Variants in TJP1 observed in about 807,000 individuals in gnomAD.
TJP1 encodes the protein tight junction protein ZO-1.
A neutral mutation model predicts 194.2 loss-of-function variants in TJP1; 43 were observed. The observed-to-expected ratio is 0.22, with a 90% CI of 0.17 to 0.29. TJP1 has a LOEUF of 0.29. TJP1 is among the 10% of genes least tolerant of loss of function. The probability of loss-of-function intolerance (pLI) is 1.00; values close to 1 mark genes in which losing one functional copy is unlikely to be tolerated. For missense variants in TJP1, 1,971 were observed against 2,185.7 expected (o/e 0.90, Z 1.96); for synonymous variants, 801 against 779.0 (o/e 1.03, Z -0.47).
At chr15:29,846,155 A>G (rs1180775565) in intron 2 of TJP1, among the ~76,000 whole-genome samples, 1 of 152,138 alleles carries the variant, frequency 6.6e-6, no homozygotes, top group Non-Finnish European at 1.5e-5. Context: ...GATCTTTAAG[A>G]GACCCATCAC....
intron 2 of TJP1, among the ~76,000 whole-genome samples, chr15:29,931,805 G>A (rs1023201430): frequency 6.6e-6 from 1 of 152,222 alleles, no homozygotes; most frequent in African/African-American, 2.4e-5. Context: ...TAAAAGAACG[G>A]CTACTCTATA....
In TJP1 at chr15:29,705,662, C is replaced by G. The variant is rs776556981; in HGVS notation, c.4934G>C (p.Gly1645Ala). 5 of 1,614,146 alleles carry G rather than the reference C, an allele frequency of 3.1e-6. No homozygotes were observed. In the Admixed American group the frequency reaches 8.3e-5, roughly 27 times the overall value. Residue 1645 changes from glycine (G) to alanine (A), a missense_variant, in exon 26 of 28, where the codon GGC becomes GCC. By Grantham distance (60) the Gly-to-Ala change is moderately conservative (BLOSUM62 0). Transcript: ENST00000614355. ...ACCAGTTTCTATGGAACTCAGCACG[C>G]CCCCATTGCTGTTAAATATGCCTCG... ...TARGIFNSNGGVLSSIETGVS... is the reference protein window; with the variant it reads ...TARGIFNSNGAVLSSIETGVS...
rs969122046 is a variant in TJP1 at position 29,700,452 on chromosome 15, T to G, written c.*1143A>C. The stretch of plus-strand genomic sequence containing the variant: ...GTAACAACTCTGTGCATCCTTTTTC[T>G]TAAAAAAAATGACCTTGCATGTGTC... On this transcript the variant is annotated 3_prime_UTR_variant, in exon 28 of 28. Transcript: ENST00000614355. 13 of 398,714 alleles carry G rather than the reference T, an allele frequency of 3.3e-5. No homozygotes were observed. The highest frequency in any genetic ancestry group is 2.7e-4 in the African/African-American group (13 of 48,590). 24.7% of individuals were successfully genotyped at this position (398,714 alleles called of 1,614,324 possible). A position where few individuals can be genotyped will look rare whatever the true frequency, so the allele number is the denominator to read the frequency against.
rs145032345 is a variant in TJP1 at position 29,828,972 on chromosome 15, C to T, written c.307-28270G>A. 4.0e-3 allele frequency among the ~76,000 whole-genome samples: 605 copies of T among 152,136 alleles called. 15 individuals are homozygous for T. The East Asian group carries it at 0.075, about 19-fold the overall frequency. On this transcript the variant is annotated intron_variant, in intron 2 of 28. Transcript: ENST00000356107. ...TTCACCATGTTGGCCAGGCTGGTCT[C>T]GAACTCCTGACCTTAAGTGATCCAC...
At chr15:29,944,472 C>A (rs1239671641) in intron 2 of TJP1, among the ~76,000 whole-genome samples, 2 of 152,072 alleles carry the variant, frequency 1.3e-5, no homozygotes, top group East Asian at 3.8e-4. Context: ...GGGACGGGGG[C>A]ACCAAGGAAT....
intron 2 of TJP1, among the ~76,000 whole-genome samples, chr15:29,937,151 C>T (rs930478740): frequency 2.6e-5 from 4 of 152,174 alleles, no homozygotes; most frequent in African/African-American, 9.7e-5. Context: ...TTCATAACCA[C>T]ATATTATACA....
At chr15:29,949,919 ACCTTCACCACC>A (rs2055595466) in intron 2 of TJP1, among the ~76,000 whole-genome samples, 2 of 53,460 alleles carry the variant, frequency 3.7e-5, no homozygotes, top group Non-Finnish European at 6.1e-5. Context: ...CTCCACCTCC[ACCTTCACCACC>A]ACCACCACCT....
intron 2 of TJP1, among the ~76,000 whole-genome samples, chr15:29,909,156 C>CAA (rs1228556468): frequency 0.018 from 1,524 of 83,984 alleles, 13 homozygotes; most frequent in Non-Finnish European, 0.025. Context: ...GACTCCATCT[C>CAA]AAAAAAAAAA....
intron 3 of TJP1, among the ~76,000 whole-genome samples, chr15:29,772,841 T>C (rs1002227890): frequency 1.3e-5 from 2 of 152,196 alleles, no homozygotes; most frequent in Admixed American, 6.5e-5. Context: ...CATGGCTCAT[T>C]GCAGCCTCAG....
At chr15:29,773,489 T>C in intron 2 of TJP1, 132 bp from the exon 3 acceptor site, 1 of 791,114 alleles carries the variant, frequency 1.3e-6, no homozygotes, top group Non-Finnish European at 2.0e-6. Flanking sequence ...AACACTCACC[T>C]GCATGGTTAC....
In TJP1 at chr15:29,719,922, T is replaced by C; in HGVS notation, c.2858A>G (p.Asn953Ser). The C allele has an allele frequency of 1.2e-6, 2 of 1,614,166 alleles. No homozygotes were observed. The highest frequency in any genetic ancestry group is 1.7e-6 in the Non-Finnish European group (2 of 1,180,028). ...TGGGGTGGGCTCCTCCAGTCTGACATTAGTTAAATTTACATTATGATTAAC... is the reference window on the plus strand; with the variant it reads ...TGGGGTGGGCTCCTCCAGTCTGACACTAGTTAAATTTACATTATGATTAAC... ...SAVNHNVNLT[N>S]VRLEEPTPAP... is the part of the protein sequence containing the mutation. Residue 953 changes from asparagine (N) to serine (S), a missense_variant, in exon 20 of 28, where the codon AAT (asparagine) becomes AGT (serine). By Grantham distance (46) the Asn-to-Ser change is conservative. Around this residue, in one of 5 missense-constraint regions of TJP1, gnomAD observed 1,108 missense variants for 1,128.5 expected, o/e 0.98. Transcript: ENST00000614355.
At chr15:29,818,673 T>C (rs1292817257) in intron 1 of TJP1, among the ~76,000 whole-genome samples, 8 of 23,974 alleles carry the variant, frequency 3.3e-4, no homozygotes, top group Non-Finnish European at 1.4e-3. Context: ...CCCGGCTATT[T>C]TTTTTTTTTT....
chr15:29,872,988 T>C (rs1028379714), intron 2 of TJP1, among the ~76,000 whole-genome samples: 1 of 152,224 alleles, frequency 6.6e-6, no homozygotes, highest in Non-Finnish European at 1.5e-5. Context: ...CAAACACACA[T>C]GTGCACGCAC....
upstream of TJP1, among the ~76,000 whole-genome samples, chr15:29,825,291 T>C (rs1417799859): frequency 6.6e-6 from 1 of 152,214 alleles, no homozygotes; most frequent in East Asian, 1.9e-4. Context: ...TCATAGCTCC[T>C]CTAGATCAAT....
intron 2 of TJP1, among the ~76,000 whole-genome samples, chr15:29,949,451 ACCACCACTT>A (rs2055476270): frequency 1.6e-5 from 2 of 126,422 alleles, no homozygotes; most frequent in African/African-American, 3.1e-5. Context: ...CTCCACCTTC[ACCACCACTT>A]CCACCACCAC....
At chr15:29,838,992 CTTTTTTTTT>C (rs760557407) in intron 2 of TJP1, among the ~76,000 whole-genome samples, 4 of 83,444 alleles carry the variant, frequency 4.8e-5, no homozygotes, top group East Asian at 3.9e-4. Flanking sequence ...AAAAATTCAC[CTTTTTTTTT>C]TTTTTTTTTT....
intron 2 of TJP1, among the ~76,000 whole-genome samples, chr15:29,774,379 A>C (rs2046881707): frequency 6.6e-6 from 1 of 152,234 alleles, no homozygotes; most frequent in African/African-American, 2.4e-5. Flanking sequence ...CAACTGATGA[A>C]TGGATAAAAC....
At chr15:29,905,548 A>T (rs1596227142) in intron 2 of TJP1, among the ~76,000 whole-genome samples, 2 of 152,320 alleles carry the variant, frequency 1.3e-5, no homozygotes, top group Admixed American at 6.5e-5. Context: ...TTCACACAAA[A>T]ATCTGCATAT....
At chr15:29,739,112 C>T (rs1477842772) in intron 10 of TJP1, among the ~76,000 whole-genome samples, 1 of 151,974 alleles carries the variant, frequency 6.6e-6, no homozygotes, top group African/African-American at 2.4e-5. Flanking sequence ...TAACCCTGAC[C>T]CATCTAATGT....
Sources: allele counts gnomAD v4.1 joint callset (sites outside exome capture counted in the v4.1 genomes callset), GRCh38; gene constraint gnomAD v4.1.1; regional missense constraint gnomAD v4.1.1; transcripts MANE v1.5; gene names NCBI Gene and HGNC (gene_info 2026-07-23, HGNC 2026-07-21).